Variants in TTYH2 observed in about 807,000 individuals in gnomAD.
The protein encoded by TTYH2 is tweety family member 2.
A neutral mutation model predicts 68.3 loss-of-function variants in TTYH2; 49 were observed. That is an observed-to-expected ratio of 0.72 (90% CI 0.57 to 0.91). The LOEUF (loss-of-function observed/expected upper bound fraction) is 0.91. Ranked by LOEUF, TTYH2 falls within the 40% of genes least tolerant of loss-of-function variation. The pLI, the probability that TTYH2 is intolerant of heterozygous loss-of-function variation, is 0.00. For synonymous variants in TTYH2, 272 were observed against 300.8 expected, an observed-to-expected ratio of 0.90 and a Z score of 0.99; for missense variants, 631 against 700.4, an observed-to-expected ratio of 0.90 and a Z score of 1.12.
In TTYH2 at chr17:74,214,924, G is replaced by A. The variant is rs571381506; in HGVS notation, c.129+1208G>A. Reference sequence around the variant, plus strand: ...GTCTAATAATAACCCCTGACGACCCGGCTGCCATCAGGCCCAGGCAGATGG... The same window carrying A: ...GTCTAATAATAACCCCTGACGACCCAGCTGCCATCAGGCCCAGGCAGATGG... On this transcript the variant is annotated intron_variant, in intron 1 of 13. Coordinates refer to ENST00000269346, the MANE Select transcript of TTYH2 (RefSeq NM_032646.6). The surrounding 1 kb of genome is among the most constrained non-coding windows in gnomAD (Gnocchi z 4.6). Among the ~76,000 whole-genome samples the A allele has an allele frequency of 3.3e-5, 5 of 152,198 alleles. No homozygotes were observed. The highest frequency in any genetic ancestry group is 3.9e-4 in the East Asian group (2 of 5,168).
chr17:74,214,628 G>A lies in TTYH2; in HGVS notation c.129+912G>A, dbSNP rs1360905356. 6.6e-6 allele frequency among the ~76,000 whole-genome samples: 1 copy of A among 152,184 alleles called. No individual in the cohort carries two copies. The highest frequency in any genetic ancestry group is 1.9e-4 in the East Asian group (1 of 5,188). On this transcript the variant is annotated intron_variant, in intron 1 of 13. Coordinates refer to ENST00000269346, the MANE Select transcript of TTYH2 (RefSeq NM_032646.6). This position sits in a 1 kb window ranked among gnomAD's most constrained non-coding sequence, Gnocchi z 4.6. ...CCCTGCCCAGACAAACAAAGCTGCA[G>A]AATCTCCCAGCCCGTCTCAGGTCTG...
chr17:74,226,086 G>T (rs1567811684), intron 2 of TTYH2, among the ~76,000 whole-genome samples: 1 of 152,224 alleles, frequency 6.6e-6, no homozygotes, highest in Non-Finnish European at 1.5e-5. Flanking sequence ...CCAAGGCAAG[G>T]GACATTGGCA....
chr17:74,258,414 C>G (rs896007027), intron 13 of TTYH2, among the ~76,000 whole-genome samples: 15 of 151,944 alleles, frequency 9.9e-5, no homozygotes, highest in Admixed American at 2.6e-4. Context: ...TACAGGCCCC[C>G]ACCACCACGC....
rs946613830 is a variant in TTYH2, at chr17:74,215,402, C to T, written c.129+1686C>T. On this transcript the variant is annotated intron_variant, in intron 1 of 13. Transcript: ENST00000269346. The surrounding 1 kb of genome is among the most constrained non-coding windows in gnomAD (Gnocchi z 4.3). ...AGCCCAACAGCTGTGGCTGGTGGAT[C>T]CTGGGCCTGCCCACAGCCCCCTCAG... Among the ~76,000 whole-genome samples the T allele has an allele frequency of 1.3e-5, 2 of 152,150 alleles. No individual in the cohort carries two copies. Among genetic ancestry groups the T allele is most frequent in the African/African-American group, 2.4e-5 (1 of 41,440 alleles).
In TTYH2 at chr17:74,250,381, G is replaced by A. The variant is rs539834937; in HGVS notation, c.1116+24G>A. 2.9e-5 allele frequency: 46 copies of A among 1,600,012 alleles called. No individual in the cohort carries two copies. The Admixed American group carries it at 3.0e-4, about 11-fold the overall frequency. ...AGGTGCATGGGGACCCTGGGGTCAC[G>A]TGGAGAGTGTGAGGGCACCCAGCAG... On this transcript the variant is annotated intron_variant, in intron 10 of 13. Transcript: ENST00000269346.
At chr17:74,218,018 CA>C (rs1434457626) in intron 1 of TTYH2, among the ~76,000 whole-genome samples, 2 of 152,120 alleles carry the variant, frequency 1.3e-5, no homozygotes, top group Non-Finnish European at 2.9e-5. Flanking sequence ...TCCATCTGAG[CA>C]GGGGGGCCTG....
At chr17:74,257,022 A>G (rs1022026983) in intron 13 of TTYH2, 2 of 152,108 alleles carry the variant, frequency 1.3e-5, no homozygotes, top group Non-Finnish European at 2.9e-5. Context: ...CCTTTTTCCA[A>G]CCACCAGCTG....
At position 74,222,160 on chromosome 17, in the gene TTYH2, C is replaced by T. The variant is rs1444442989; in HGVS notation, c.130-325C>T. 1.3e-5 allele frequency among the ~76,000 whole-genome samples: 2 copies of T among 152,122 alleles called. No individual in the cohort carries two copies. The highest frequency in any genetic ancestry group is 6.5e-5 in the Admixed American group (1 of 15,280). On this transcript the variant is annotated intron_variant, in intron 1 of 13. Transcript: ENST00000269346. This position sits in a 1 kb window ranked among gnomAD's most constrained non-coding sequence, Gnocchi z 5.2. ...TTCCTGCCTTGTCTCCTGAGTGGCTCGGACTCTTCATCAGCAGGGCCTGGT... is the reference window on the plus strand; with the variant it reads ...TTCCTGCCTTGTCTCCTGAGTGGCTTGGACTCTTCATCAGCAGGGCCTGGT...
intron 3 of TTYH2, 102 bp from the exon 4 acceptor site, chr17:74,237,192 A>T: frequency 8.7e-7 from 1 of 1,154,086 alleles, no homozygotes; most frequent in Non-Finnish European, 1.3e-6. Context: ...GAGCGTAATT[A>T]TCGCACCTGG....
intron 1 of TTYH2, among the ~76,000 whole-genome samples, chr17:74,221,847 C>T (rs2050278629): frequency 6.6e-6 from 1 of 152,156 alleles, no homozygotes; most frequent in Non-Finnish European, 1.5e-5. Context: ...TATCCCGCCC[C>T]CTCACACATC....
chr17:74,239,975 T>G lies in TTYH2; in HGVS notation c.635+2461T>G, dbSNP rs2050482562. Among the ~76,000 whole-genome samples, 1 of 152,238 alleles carries G rather than the reference T, an allele frequency of 6.6e-6. No individual in the cohort carries two copies. The highest frequency in any genetic ancestry group is 2.4e-5 in the African/African-American group (1 of 41,466). ...ATGTTTAAGGGCCTCATGTGGGCAT[T>G]TTGTTAATGACACTGATGGAATTAA... On this transcript the variant is annotated intron_variant, in intron 4 of 13. Transcript: ENST00000269346. This position sits in a 1 kb window ranked among gnomAD's most constrained non-coding sequence, Gnocchi z 5.3.
intron 13 of TTYH2, among the ~76,000 whole-genome samples, chr17:74,259,529 C>T (rs1452722921): frequency 6.6e-6 from 1 of 152,128 alleles, no homozygotes. Flanking sequence ...TTTGCATCAA[C>T]AAAAATATAC....
chr17:74,235,915 A>C (rs2050438687), intron 3 of TTYH2, among the ~76,000 whole-genome samples: 1 of 151,990 alleles, frequency 6.6e-6, no homozygotes, highest in Admixed American at 6.6e-5. Context: ...AAAAAAACAA[A>C]AAAGAGAAAG....
chr17:74,226,812 G>A (rs1416390740), intron 2 of TTYH2, among the ~76,000 whole-genome samples: 1 of 152,036 alleles, frequency 6.6e-6, no homozygotes, highest in Non-Finnish European at 1.5e-5. Context: ...AACACACCAG[G>A]GGGAAAGCAA....
chr17:74,217,777 A>G lies in TTYH2; in HGVS notation c.129+4061A>G, dbSNP rs573264353. The stretch of plus-strand genomic sequence containing the variant: ...CAGAAGCCCCTTGGGTCCCGCTGCC[A>G]TGGTCACTGCGGCCCCCAACTTGGG... On this transcript the variant is annotated intron_variant, in intron 1 of 13. Coordinates refer to ENST00000269346, the MANE Select transcript of TTYH2 (RefSeq NM_032646.6). This position sits in a 1 kb window ranked among gnomAD's most constrained non-coding sequence, Gnocchi z 4.0. Among the ~76,000 whole-genome samples the G allele has an allele frequency of 3.0e-3, 451 of 152,232 alleles. No individual in the cohort carries two copies. The highest frequency in any genetic ancestry group is 5.3e-3 in the Non-Finnish European group (358 of 68,002).
chr17:74,251,251 T>G (rs1029694682), intron 10 of TTYH2, among the ~76,000 whole-genome samples: 5 of 149,138 alleles, frequency 3.4e-5, no homozygotes, highest in East Asian at 2.0e-4. Flanking sequence ...GGGTGTGTGG[T>G]GTGTGCGTGT....
chr17:74,250,421 A>G lies in TTYH2; in HGVS notation c.1116+64A>G, dbSNP rs978711563. On this transcript the variant is annotated intron_variant, in intron 10 of 13. Transcript: ENST00000269346. ...GCACCCAGCAGGCCACACCTTCCAG[A>G]GAAAAGCCGGTAGAGGCCGAGGGGA... 356 of 1,418,956 alleles carry G rather than the reference A, an allele frequency of 2.5e-4. 1 individual carries two copies. Among genetic ancestry groups the G allele is most frequent in the Non-Finnish European group, 1.7e-4 (174 of 1,023,438 alleles). 87.9% of individuals were successfully genotyped at this position (1,418,956 alleles called of 1,614,324 possible).
At position 74,241,534 on chromosome 17, in the gene TTYH2, CAGAA is replaced by C. The variant is rs1052176424; in HGVS notation, c.636-1835_636-1832del. On this transcript the variant is annotated intron_variant, in intron 4 of 13. Transcript: ENST00000269346. The surrounding 1 kb of genome is among the most constrained non-coding windows in gnomAD (Gnocchi z 4.1). ...GGCAGTAAGCCTCAATTCGGGGAGT[CAGAA>C]AGAACCTCCCTTGGCTGCCAGGCCT... Among the ~76,000 whole-genome samples, 1 of 152,180 alleles carries C rather than the reference CAGAA, an allele frequency of 6.6e-6. No individual in the cohort carries two copies. The highest frequency in any genetic ancestry group is 1.5e-5 in the Non-Finnish European group (1 of 68,046).
At chr17:74,231,687 GA>G (rs879717385) in intron 3 of TTYH2, among the ~76,000 whole-genome samples, 1,000 of 144,448 alleles carry the variant, frequency 6.9e-3, no homozygotes, top group East Asian at 0.017. Context: ...AAAAATTAAA[GA>G]AAAAAAAAAA....
Sources: gnomAD v4.1 joint callset for allele counts (sites outside exome capture counted in the v4.1 genomes callset) on GRCh38, gnomAD v4.1.1 for gene constraint, Gnocchi (gnomAD v3.1) non-coding constraint, MANE v1.5 for transcripts, NCBI Gene and HGNC (gene_info 2026-07-23, HGNC 2026-07-21) for gene names.